FAF1: variants seen among roughly 807,000 people sequenced by gnomAD.
The protein encoded by FAF1 is FAS-associated factor 1.
Under a neutral mutation model 92.5 loss-of-function variants are expected in FAF1, and 25 were observed. The ratio of observed to expected loss-of-function variants is 0.27; its 90% CI spans 0.20 to 0.38. The LOEUF (loss-of-function observed/expected upper bound fraction) is 0.38. Among genes scored for constraint, FAF1 ranks in the 10% least tolerant of loss-of-function variants. The pLI, the probability that FAF1 is intolerant of heterozygous loss-of-function variation, is 1.00. For missense variants in FAF1, 636 were observed against 793.3 expected, an observed-to-expected ratio of 0.80 and a Z score of 2.38; for synonymous variants, 234 against 273.2, an observed-to-expected ratio of 0.86 and a Z score of 1.42.
chr1:50,690,667 T>C (rs2124391317), intron 7 of FAF1, among the ~76,000 whole-genome samples: 1 of 152,298 alleles, frequency 6.6e-6, no homozygotes, highest in East Asian at 1.9e-4. Flanking sequence ...AAGTTTAATA[T>C]TTAAAATGCA....
At chr1:50,908,428 G>C (rs1644857170) in intron 1 of FAF1, among the ~76,000 whole-genome samples, 1 of 152,162 alleles carries the variant, frequency 6.6e-6, no homozygotes, top group African/African-American at 2.4e-5. Flanking sequence ...GGATATTCTT[G>C]TTAACTTTCT....
At chr1:50,694,277 C>T (rs1657089094) in intron 7 of FAF1, among the ~76,000 whole-genome samples, 1 of 151,736 alleles carries the variant, frequency 6.6e-6, no homozygotes, top group South Asian at 2.1e-4. Flanking sequence ...AATTATTTCA[C>T]ATTTTCATTA....
rs1317517896 is a variant in FAF1, at chr1:50,889,501, T to C, written c.46-31504A>G. On this transcript the variant is annotated intron_variant, in intron 1 of 18. Coordinates refer to ENST00000396153, the MANE Select transcript of FAF1 (RefSeq NM_007051.3). ...TTTCCTGCTTTCTCTTGTGGGCATT[T>C]AGTGCTATAAATTTCCCTCTACACA... Among the ~76,000 whole-genome samples the C allele has an allele frequency of 2.0e-5, 3 of 152,246 alleles. No individual in the cohort carries two copies. The East Asian group carries it at 5.8e-4, about 29-fold the overall frequency.
In FAF1 at chr1:50,545,034, AAAAAAC is replaced by A. The variant is rs1271381643; in HGVS notation, c.1269-5312_1269-5307del. On this transcript the variant is annotated intron_variant, in intron 13 of 18. Transcript: ENST00000396153. Reference sequence around the variant, plus strand: ...GTAAAACACACACACACACCACAGAAAAAAACAAAAACAAAAACACCATAACTAGGC... The same window carrying A: ...GTAAAACACACACACACACCACAGAAAAAAACAAAAACACCATAACTAGGC... Among the ~76,000 whole-genome samples the A allele has an allele frequency of 2.6e-5, 4 of 152,118 alleles. No individual in the cohort carries two copies. In the East Asian group the frequency reaches 5.8e-4, roughly 22 times the overall value.
intron 1 of FAF1, among the ~76,000 whole-genome samples, chr1:50,948,513 A>ATTTCTTTT (rs1645188699): frequency 6.7e-6 from 1 of 148,896 alleles, no homozygotes; most frequent in Non-Finnish European, 1.5e-5. Flanking sequence ...TCAGACTCTT[A>ATTTCTTTT]TTTCTTTTTC....
intron 8 of FAF1, among the ~76,000 whole-genome samples, chr1:50,612,848 A>AT (rs1035854775): frequency 3.9e-5 from 6 of 152,278 alleles, no homozygotes; most frequent in African/African-American, 9.6e-5. Context: ...TAGCCAAGTA[A>AT]TTTTTTTCCT....
intron 4 of FAF1, among the ~76,000 whole-genome samples, chr1:50,777,553 G>GA (rs1388154514): frequency 1.3e-5 from 2 of 151,672 alleles, no homozygotes; most frequent in East Asian, 1.9e-4. Flanking sequence ...CCTTAAACTG[G>GA]AAAAAAATGA....
At chr1:50,799,169 CAG>C (rs1661877579) in intron 3 of FAF1, among the ~76,000 whole-genome samples, 1 of 152,148 alleles carries the variant, frequency 6.6e-6, no homozygotes, top group Non-Finnish European at 1.5e-5. Context: ...TTGAAGAAGA[CAG>C]AGTAATAGAG....
chr1:50,862,242 A>T (rs1371157081), intron 1 of FAF1, among the ~76,000 whole-genome samples: 2 of 151,854 alleles, frequency 1.3e-5, no homozygotes, highest in Non-Finnish European at 2.9e-5. Context: ...AGAGAAATTA[A>T]CAGAAGCTGT....
chr1:50,806,852 AG>A (rs1380679924), intron 2 of FAF1, among the ~76,000 whole-genome samples: 1 of 152,238 alleles, frequency 6.6e-6, no homozygotes, highest in Non-Finnish European at 1.5e-5. Context: ...AATGCATCAA[AG>A]AAGACAAAAG....
intron 18 of FAF1, among the ~76,000 whole-genome samples, chr1:50,458,966 CT>C (rs112741026): frequency 3.7e-4 from 54 of 147,110 alleles, no homozygotes; most frequent in Non-Finnish European, 6.9e-4. Flanking sequence ...CTGCCCTGCC[CT>C]TTTTTTTTTC....
intron 2 of FAF1, among the ~76,000 whole-genome samples, chr1:50,807,560 C>T (rs1003390080): frequency 6.6e-6 from 1 of 152,164 alleles, no homozygotes; most frequent in Non-Finnish European, 1.5e-5. Flanking sequence ...CCAGGTCCCT[C>T]CCCCAACATT....
rs59965680 is a variant in FAF1 at position 50,487,628 on chromosome 1, T to G, written c.1653+2960A>C. ...CCAGATCAATATACTTTTCTAGATG[T>G]TTGATTTCACTCCAACAGTTATCAC... is the stretch of plus-strand genomic sequence containing the variant. On this transcript the variant is annotated intron_variant, in intron 17 of 18. Transcript: ENST00000396153. Among the ~76,000 whole-genome samples the G allele has an allele frequency of 9.8e-3, 1,494 of 152,310 alleles. 24 individuals are homozygous for G. Among genetic ancestry groups the G allele is most frequent in the African/African-American group, 0.034 (1,420 of 41,568 alleles).
At chr1:50,528,998 A>G (rs1018642999) in intron 15 of FAF1, among the ~76,000 whole-genome samples, 1 of 152,208 alleles carries the variant, frequency 6.6e-6, no homozygotes, top group African/African-American at 2.4e-5. Flanking sequence ...TACAAAATAC[A>G]TGTTAATCAA....
At chr1:50,766,025 C>T (rs1660556322) in intron 4 of FAF1, among the ~76,000 whole-genome samples, 1 of 151,900 alleles carries the variant, frequency 6.6e-6, no homozygotes, top group Non-Finnish European at 1.5e-5. Flanking sequence ...CCGGGAGGCG[C>T]AGGGTGCAGT....
intron 6 of FAF1, among the ~76,000 whole-genome samples, chr1:50,717,280 G>A (rs1658216696): frequency 6.6e-6 from 1 of 152,196 alleles, no homozygotes; most frequent in Non-Finnish European, 1.5e-5. Context: ...TCTTTGGGAG[G>A]TAATCAGGTT....
intron 18 of FAF1, among the ~76,000 whole-genome samples, chr1:50,442,648 A>G (rs1646183308): frequency 6.6e-6 from 1 of 151,966 alleles, no homozygotes; most frequent in Non-Finnish European, 1.5e-5. Flanking sequence ...GAGGCAGGCA[A>G]TCTTATCTTC....
At chr1:50,874,073 C>T (rs987300303) in intron 1 of FAF1, among the ~76,000 whole-genome samples, 1 of 152,154 alleles carries the variant, frequency 6.6e-6, no homozygotes, top group Non-Finnish European at 1.5e-5. Context: ...TCTGATAAAA[C>T]CATTGCAATG....
At chr1:50,492,619 G>A (rs1480460390) in intron 15 of FAF1, among the ~76,000 whole-genome samples, 1 of 152,136 alleles carries the variant, frequency 6.6e-6, no homozygotes, top group Admixed American at 6.5e-5. Flanking sequence ...GTCTACACTA[G>A]AGTGTAGGTT....
Sources: allele counts gnomAD v4.1 joint callset (sites outside exome capture counted in the v4.1 genomes callset), GRCh38; gene constraint gnomAD v4.1.1; transcripts MANE v1.5; gene names NCBI Gene and HGNC (gene_info 2026-07-23, HGNC 2026-07-21).